GSDMB: variants seen among roughly 807,000 people sequenced by gnomAD.
GSDMB encodes gasdermin-B.
A neutral mutation model predicts 42.9 loss-of-function variants in GSDMB; 32 were observed. The ratio of observed to expected loss-of-function variants is 0.75; its 90% CI spans 0.56 to 1.00. The LOEUF (loss-of-function observed/expected upper bound fraction) is 1.00, where lower values mean the gene tolerates loss of function less well. Among genes scored for constraint, GSDMB ranks in the 50% least tolerant of loss-of-function variants. The pLI, the probability that GSDMB is intolerant of heterozygous loss-of-function variation, is 0.00. For synonymous variants in GSDMB, 175 were observed against 193.7 expected (o/e 0.90, Z 0.80); for missense variants, 468 against 498.5 (o/e 0.94, Z 0.58).
intron 10 of GSDMB, 150 bp from the exon 11 acceptor site, chr17:39,905,114 A>T: frequency 2.9e-6 from 2 of 699,776 alleles, no homozygotes; most frequent in Non-Finnish European, 2.5e-6. Flanking sequence ...AGAGCTTCAT[A>T]CTCTCTCAAC....
Position 39,905,443 on chromosome 17 carries a change from G to C in GSDMB, c.1081C>G (p.Pro361Ala). ...TGTCTCACCTGGTCCTTCAACAGAGGAAGGGTCCCCTTCTCCAGGGCCTCA... is the reference window on the plus strand; with the variant it reads ...TGTCTCACCTGGTCCTTCAACAGAGCAAGGGTCCCCTTCTCCAGGGCCTCA... ...VAEALEKGTL[P>A]LLKDQVKSVM... Residue 361 changes from proline (P) to alanine (A), a missense_variant, in exon 10 of 11, where the codon CCT (proline) becomes GCT (alanine). By Grantham distance (27) the Pro-to-Ala change is conservative. Coordinates refer to ENST00000418519, the MANE Select transcript of GSDMB (RefSeq NM_001165958.2). 1.9e-6 allele frequency: 3 copies of C among 1,607,328 alleles called. No homozygotes were observed. Among genetic ancestry groups the C allele is most frequent in the Non-Finnish European group, 2.5e-6 (3 of 1,176,792 alleles).
Position 39,908,227 on chromosome 17 carries a change from CA to C in GSDMB, c.662-14del. The C allele has an allele frequency of 7.4e-6, 11 of 1,481,432 alleles. No homozygotes were observed. Among genetic ancestry groups the C allele is most frequent in the Non-Finnish European group, 1.0e-5 (11 of 1,085,010 alleles). 91.8% of individuals were successfully genotyped at this position (1,481,432 alleles called of 1,614,324 possible). A position where few individuals can be genotyped will look rare whatever the true frequency, so the allele number is the denominator to read the frequency against. On this transcript the variant is annotated splice_polypyrimidine_tract_variant and intron_variant, in intron 5 of 10. Transcript: ENST00000418519. Reference sequence around the variant, plus strand: ...CTGAAATGAATATCTAAACCAGCACCAAAAAGGGAGGAAAAAACAAGTTATT... The same window carrying C: ...CTGAAATGAATATCTAAACCAGCACCAAAAGGGAGGAAAAAACAAGTTATT...
intron 7 of GSDMB, 93 bp from the exon 8 acceptor site, chr17:39,906,364 A>G: frequency 8.3e-7 from 1 of 1,201,490 alleles, no homozygotes; most frequent in Non-Finnish European, 1.2e-6. Context: ...TCTGGAGACC[A>G]CCTCTTTGTA....
chr17:39,917,162 T>C lies in GSDMB; in HGVS notation c.155A>G (p.Tyr52Cys), dbSNP rs1282832605. The change falls in exon 2 of 11, where the codon TAC becomes TGC. Residue 52 changes from tyrosine (Y) to cysteine (C), a missense_variant. By Grantham distance (194) the Tyr-to-Cys change is radical. Coordinates refer to ENST00000418519, the MANE Select transcript of GSDMB (RefSeq NM_001165958.2). ...GTCCATCAGGGTGAGGCCTGTTGTG[T>C]AGTGCCGGCATCCAAAGAAAGTTCT... The part of the protein sequence containing the change: ...EKRTFFGCRH[Y>C]TTGLTLMDIL... 3.1e-6 allele frequency: 5 copies of C among 1,614,146 alleles called. No homozygotes were observed. The highest frequency in any genetic ancestry group is 4.2e-6 in the Non-Finnish European group (5 of 1,180,008).
Position 39,917,118 on chromosome 17 carries a change from C to T in GSDMB, c.199G>A (p.Asp67Asn). 3 of 1,614,100 alleles carry T rather than the reference C, an allele frequency of 1.9e-6. No homozygotes were observed. The highest frequency in any genetic ancestry group is 2.5e-6 in the Non-Finnish European group (3 of 1,179,962). Reference protein sequence around the residue: ...TLMDILDTDGDKWLDELDSGL... With the variant: ...TLMDILDTDGNKWLDELDSGL... ...GAATCCAGTTCATCTAACCACTTGT[C>T]CCCATCTGTGTCCAGAATGTCCATC... Residue 67 changes from aspartate to asparagine, a missense_variant, in exon 2 of 11, where the codon GAC becomes AAC. Asp to Asn is a conservative substitution (Grantham distance 23). Coordinates refer to ENST00000418519, the MANE Select transcript of GSDMB (RefSeq NM_001165958.2).
intron 1 of GSDMB, chr17:39,917,592 C>CT (rs1229406949): frequency 4.9e-5 from 20 of 405,340 alleles, no homozygotes; most frequent in Middle Eastern, 7.6e-4. Flanking sequence ...TCCCCGCCGC[C>CT]GCCCTTAAGA....
intron 7 of GSDMB, chr17:39,906,484 A>G (rs961751749): frequency 1.8e-6 from 2 of 1,119,762 alleles, no homozygotes; most frequent in African/African-American, 3.2e-5. Context: ...TCCCCAGCTC[A>G]CCCCCAGTCT....
chr17:39,911,537 T>C (rs982367532), intron 3 of GSDMB, among the ~76,000 whole-genome samples: 2 of 152,102 alleles, frequency 1.3e-5, no homozygotes, highest in Non-Finnish European at 2.9e-5. Context: ...AGAACCTCTG[T>C]GGCACTGGAT....
intron 4 of GSDMB, 63 bp downstream of exon 4, chr17:39,909,693 C>T: frequency 6.9e-7 from 1 of 1,444,986 alleles, no homozygotes; most frequent in Non-Finnish European, 9.7e-7. Flanking sequence ...GCTGGCATCG[C>T]CTTGACCTGC....
intron 4 of GSDMB, 125 bp from the exon 5 acceptor site, chr17:39,909,167 C>A: frequency 1.6e-6 from 1 of 632,170 alleles, no homozygotes; most frequent in Non-Finnish European, 2.8e-6. Flanking sequence ...AAAACTGAGG[C>A]TCTCAGAGGT....
At chr17:39,916,991 T>C (rs779639238) in intron 2 of GSDMB, 91 bp downstream of exon 2, 10 of 813,136 alleles carry the variant, frequency 1.2e-5, no homozygotes, top group Non-Finnish European at 1.7e-5. Context: ...TCGTTGTTGA[T>C]TGGTTGATAA....
Position 39,904,601 on chromosome 17 carries a change from T to A in GSDMB, c.*211A>T, listed in dbSNP as rs1484345050. On this transcript the variant is annotated 3_prime_UTR_variant, in exon 11 of 11. Coordinates refer to ENST00000418519, the MANE Select transcript of GSDMB (RefSeq NM_001165958.2). ...GAGGCTTCAAAAGACAAAATTAACA[T>A]GCACAACCTGCCACTTTTAATCAGA... is the stretch of plus-strand genomic sequence containing the variant. The A allele has an allele frequency of 2.1e-6, 1 of 486,494 alleles. No homozygotes were observed. The highest frequency in any genetic ancestry group is 3.3e-5 in the East Asian group (1 of 29,898). 30.1% of individuals were successfully genotyped at this position (486,494 alleles called of 1,614,324 possible).
At chr17:39,908,323 T>G in intron 5 of GSDMB, 109 bp from the exon 6 acceptor site, 1 of 124,814 alleles carries the variant, frequency 8.0e-6, no homozygotes, top group Non-Finnish European at 1.3e-5. Flanking sequence ...CAGCCTCCAA[T>G]CAAAAAAAAA....
intron 1 of GSDMB, chr17:39,917,931 C>T (rs931798399): frequency 6.5e-6 from 1 of 153,264 alleles, no homozygotes; most frequent in Non-Finnish European, 1.5e-5. Context: ...GAGGGCTAAA[C>T]ATCACAGATC....
rs1027367679 is a variant in GSDMB at position 39,904,615 on chromosome 17, C to T, written c.*197G>A. The T allele has an allele frequency of 1.4e-5, 7 of 509,984 alleles. No homozygotes were observed. The highest frequency in any genetic ancestry group is 1.2e-4 in the African/African-American group (6 of 51,598). The allele number at this position is 509,984 out of a possible 1,614,324, so 31.6% of individuals were successfully genotyped here. ...CAAAATTAACATGCACAACCTGCCA[C>T]TTTTAATCAGAAGTCCATGTATGAA... is the stretch of plus-strand genomic sequence containing the variant. On this transcript the variant is annotated 3_prime_UTR_variant, in exon 11 of 11. Transcript: ENST00000418519.
chr17:39,905,837 C>A lies in GSDMB; in HGVS notation c.1027+10G>T, dbSNP rs868052781. 1 of 1,613,072 alleles carries A rather than the reference C, an allele frequency of 6.2e-7. No homozygotes were observed. The highest frequency in any genetic ancestry group is 8.5e-7 in the Non-Finnish European group (1 of 1,179,646). ...CCTCCACCCCAGCCTACAGCGAGACCCTTCCTCACCTAGCAGGGCATCCAG... is the reference window on the plus strand; with the variant it reads ...CCTCCACCCCAGCCTACAGCGAGACACTTCCTCACCTAGCAGGGCATCCAG... On this transcript the variant is annotated intron_variant, in intron 9 of 10. Coordinates refer to ENST00000418519, the MANE Select transcript of GSDMB (RefSeq NM_001165958.2).
chr17:39,911,323 C>CA (rs373759080), intron 3 of GSDMB, among the ~76,000 whole-genome samples: 82 of 116,500 alleles, frequency 7.0e-4, no homozygotes, highest in Admixed American at 1.7e-3. Context: ...AACTCCATCT[C>CA]AAAAAAAAAA....
chr17:39,908,602 A>T (rs993945365), intron 5 of GSDMB, among the ~76,000 whole-genome samples: 1 of 151,698 alleles, frequency 6.6e-6, no homozygotes, highest in Non-Finnish European at 1.5e-5. Flanking sequence ...CTGGTCTCGA[A>T]CTCCTGATCT....
rs1323120233 is a variant in GSDMB at position 39,906,113 on chromosome 17, T to C, written c.886A>G (p.Arg296Gly). The change falls in exon 8 of 11, where the codon AGA becomes GGA. Residue 296 changes from arginine to glycine, a missense_variant and splice_region_variant. Arg to Gly is a moderately radical substitution (Grantham distance 125). Coordinates refer to ENST00000418519, the MANE Select transcript of GSDMB (RefSeq NM_001165958.2). ...AAGGCTTTCTTAGGGTCCCTTACTC[T>C]TTGCTCTAGATCCTGCCGAATATCC... ...KEDIRQDLEQRVSEVLISGEL... is the reference protein window; with the variant it reads ...KEDIRQDLEQGVSEVLISGEL... 3.7e-6 allele frequency: 6 copies of C among 1,614,124 alleles called. No homozygotes were observed. The highest frequency in any genetic ancestry group is 2.7e-5 in the African/African-American group (2 of 75,032).
Sources: gnomAD v4.1 joint callset for allele counts (sites outside exome capture counted in the v4.1 genomes callset) on GRCh38, gnomAD v4.1.1 for gene constraint, MANE v1.5 for transcripts, NCBI Gene and HGNC (gene_info 2026-07-23, HGNC 2026-07-21) for gene names.